IGSF5: variants seen among roughly 807,000 people sequenced by gnomAD.
The protein encoded by IGSF5 is immunoglobulin superfamily member 5, also known as immunoglobulin superfamily 5 like.
IGSF5 carries 41 observed loss-of-function variants against 39.4 expected under a neutral mutation model. The observed-to-expected ratio is 1.04, with a 90% CI of 0.81 to 1.35. The LOEUF is 1.35. Among genes scored for constraint, IGSF5 ranks in the 40% most tolerant of loss-of-function variants. The probability of loss-of-function intolerance (pLI) is 0.00; values close to 1 mark genes in which losing one functional copy is unlikely to be tolerated. For missense variants in IGSF5, 487 were observed against 494.6 expected, an observed-to-expected ratio of 0.98 and a Z score of 0.15; for synonymous variants, 183 against 175.3, an observed-to-expected ratio of 1.04 and a Z score of -0.34.
chr21:39,770,608 C>T (rs1437452774), intron 3 of IGSF5, among the ~76,000 whole-genome samples: 1 of 152,038 alleles, frequency 6.6e-6, no homozygotes, highest in African/African-American at 2.4e-5. Context: ...CTATGGCATG[C>T]ACTTTTCTTT....
At chr21:39,715,954 G>A in the IGSF5 span, among the ~76,000 whole-genome samples, 4 of 152,310 alleles carry the variant, frequency 2.6e-5, no homozygotes, top group South Asian at 8.3e-4. Context: ...TTTATAGGAA[G>A]TCTTTCTCAT....
rs762111040 is a variant in IGSF5 at position 39,783,916 on chromosome 21, TGG to T, written c.935-4250_935-4249del. ...GTCCACTTTGAGTTTATTTTGTATATGGTAAGAGATAGGGGCCTAATTTCATT... is the reference window on the plus strand; with the variant it reads ...GTCCACTTTGAGTTTATTTTGTATATTAAGAGATAGGGGCCTAATTTCATT... On this transcript the variant is annotated intron_variant, in intron 5 of 8. Coordinates refer to ENST00000380588, the MANE Select transcript of IGSF5 (RefSeq NM_001080444.2). Among the ~76,000 whole-genome samples, 83 of 152,336 alleles carry T rather than the reference TGG, an allele frequency of 5.4e-4. 1 individual carries two copies. Among genetic ancestry groups the T allele is most frequent in the Non-Finnish European group, 9.6e-4 (65 of 68,028 alleles).
the IGSF5 span, among the ~76,000 whole-genome samples, chr21:39,717,638 A>T: frequency 1.2e-3 from 188 of 152,290 alleles, no homozygotes; most frequent in Non-Finnish European, 2.2e-3. Flanking sequence ...TTTGTCAAAG[A>T]TCAGATGGTC....
chr21:39,735,730 C>T, the IGSF5 span, among the ~76,000 whole-genome samples: 39 of 152,224 alleles, frequency 2.6e-4, no homozygotes, highest in African/African-American at 6.0e-4. Flanking sequence ...CCATCATGGA[C>T]GCTGAAAAAT....
At chr21:39,755,589 A>G (rs1317704710) in intron 2 of IGSF5, among the ~76,000 whole-genome samples, 1 of 146,174 alleles carries the variant, frequency 6.8e-6, no homozygotes, top group Non-Finnish European at 1.5e-5. Flanking sequence ...TCCATCTCAA[A>G]AAAAAAAAAA....
chr21:39,716,911 G>A, the IGSF5 span, among the ~76,000 whole-genome samples: 2 of 152,130 alleles, frequency 1.3e-5, no homozygotes, highest in African/African-American at 4.8e-5. Flanking sequence ...TTAGCTTTTT[G>A]AGGAATCACC....
At chr21:39,723,545 C>A in the IGSF5 span, among the ~76,000 whole-genome samples, 1 of 152,080 alleles carries the variant, frequency 6.6e-6, no homozygotes, top group African/African-American at 2.4e-5. Context: ...ATTACTGAGA[C>A]CATCTGAGAG....
At chr21:39,781,547 G>A (rs1012581408) in intron 5 of IGSF5, among the ~76,000 whole-genome samples, 1 of 152,120 alleles carries the variant, frequency 6.6e-6, no homozygotes, top group African/African-American at 2.4e-5. Flanking sequence ...GTCACGGATT[G>A]CCAAATTTCC....
the IGSF5 span, among the ~76,000 whole-genome samples, chr21:39,728,422 C>T: frequency 6.6e-6 from 1 of 152,186 alleles, no homozygotes; most frequent in Non-Finnish European, 1.5e-5. Context: ...CAACAAATAC[C>T]TGAGCCAGGA....
At chr21:39,719,391 A>T in the IGSF5 span, among the ~76,000 whole-genome samples, 1 of 151,958 alleles carries the variant, frequency 6.6e-6, no homozygotes, top group Admixed American at 6.6e-5. Context: ...GATACATGAT[A>T]TGTGCTCTCT....
chr21:39,734,959 G>T, the IGSF5 span, among the ~76,000 whole-genome samples: 1 of 152,080 alleles, frequency 6.6e-6, no homozygotes, highest in Non-Finnish European at 1.5e-5. Context: ...TGCCTTCTGG[G>T]TTCAAGCGAT....
chr21:39,775,408 T>C (rs1470451907), intron 4 of IGSF5, among the ~76,000 whole-genome samples: 1 of 152,248 alleles, frequency 6.6e-6, no homozygotes, highest in African/African-American at 2.4e-5. Context: ...CACAGGGATA[T>C]GCTTTGCACA....
chr21:39,792,706 C>T (rs1042850248), intron 7 of IGSF5, among the ~76,000 whole-genome samples: 3 of 152,122 alleles, frequency 2.0e-5, no homozygotes, highest in African/African-American at 7.2e-5. Flanking sequence ...AAAACTAGAC[C>T]TACTTTTGGA....
At chr21:39,777,308 A>T (rs545899862) in intron 4 of IGSF5, among the ~76,000 whole-genome samples, 1 of 152,316 alleles carries the variant, frequency 6.6e-6, no homozygotes, top group Admixed American at 6.5e-5. Context: ...GGCTGCGTAC[A>T]AGGGATTCCC....
chr21:39,764,160 A>G (rs1189173997), intron 2 of IGSF5, among the ~76,000 whole-genome samples: 1 of 151,972 alleles, frequency 6.6e-6, no homozygotes, highest in South Asian at 2.1e-4. Flanking sequence ...GGTCCTGCTT[A>G]TGGAGGGGAC....
At chr21:39,769,467 CAAAAAAAAA>C (rs34427585) in intron 3 of IGSF5, among the ~76,000 whole-genome samples, 2 of 79,846 alleles carry the variant, frequency 2.5e-5, no homozygotes, top group Non-Finnish European at 4.8e-5. Context: ...AAGTCTGTCT[CAAAAAAAAA>C]AAAAAAAAAA....
chr21:39,788,046 C>T, intron 5 of IGSF5, 121 bp from the exon 6 acceptor site: 1 of 724,434 alleles, frequency 1.4e-6, no homozygotes, highest in East Asian at 2.7e-5. Context: ...AATAATGCTC[C>T]TTGGGTCACA....
the IGSF5 span, chr21:39,722,360 C>T: frequency 2.6e-5 from 4 of 152,274 alleles, no homozygotes; most frequent in African/African-American, 7.2e-5. Flanking sequence ...TTCTCTGCCC[C>T]GTTGAAGTAA....
At chr21:39,798,004 A>G (rs886709326) in intron 8 of IGSF5, among the ~76,000 whole-genome samples, 2 of 152,188 alleles carry the variant, frequency 1.3e-5, no homozygotes, top group Non-Finnish European at 2.9e-5. Context: ...TCAGGGGCCC[A>G]TTGCTTAAAT....
Sources: gnomAD v4.1 joint callset for allele counts (sites outside exome capture counted in the v4.1 genomes callset) on GRCh38, gnomAD v4.1.1 for gene constraint, MANE v1.5 for transcripts, NCBI Gene and HGNC (gene_info 2026-07-23, HGNC 2026-07-21) for gene names.